SIPA1L3: variants seen among roughly 807,000 people sequenced by gnomAD.
SIPA1L3 encodes signal induced proliferation associated 1 like 3.
SIPA1L3 carries 59 observed loss-of-function variants against 150.1 expected under a neutral mutation model. That is an observed-to-expected ratio of 0.39 (90% CI 0.32 to 0.49). SIPA1L3 has a LOEUF of 0.49. SIPA1L3 is among the 20% of genes least tolerant of loss of function. SIPA1L3 has a pLI of 0.86. For synonymous variants in SIPA1L3, 1,070 were observed against 1,077.6 expected, an observed-to-expected ratio of 0.99 and a Z score of 0.14; for missense variants, 2,211 against 2,489.5, an observed-to-expected ratio of 0.89 and a Z score of 2.38.
At chr19:37,982,022 C>T (rs182403206) in intron 1 of SIPA1L3, among the ~76,000 whole-genome samples, 4 of 152,304 alleles carry the variant, frequency 2.6e-5, no homozygotes, top group African/African-American at 9.6e-5. Context: ...TACGCATGTC[C>T]ACGTTGTGGT....
intron 15 of SIPA1L3, among the ~76,000 whole-genome samples, chr19:38,178,621 G>A (rs989888488): frequency 6.6e-6 from 1 of 151,920 alleles, no homozygotes; most frequent in South Asian, 2.1e-4. Context: ...GACTACAGGC[G>A]CCCACCACCA....
chr19:38,080,912 A>G (rs1969962496), intron 2 of SIPA1L3, among the ~76,000 whole-genome samples: 1 of 151,848 alleles, frequency 6.6e-6, no homozygotes, highest in Non-Finnish European at 1.5e-5. Flanking sequence ...GGATGTTGCA[A>G]TGAGCCAAGC....
In SIPA1L3 at chr19:38,206,170, A is replaced by C. The variant is rs758384527; in HGVS notation, c.5276A>C (p.Glu1759Ala). Residue 1759 changes from glutamate (E) to alanine (A), a missense_variant, in exon 22 of 22, where the codon GAG (glutamate) becomes GCG (alanine). This residue lies in a region of SIPA1L3 where 63 missense variants were observed against 106.1 expected (regional missense o/e 0.59). Coordinates refer to ENST00000222345, the MANE Select transcript of SIPA1L3 (RefSeq NM_015073.3). Reference sequence around the variant, plus strand: ...CAGAACAACCAGCGGCTGCAGGAGGAGTCGCAGGCCGCCAGCGAGCAGCTG... The same window carrying C: ...CAGAACAACCAGCGGCTGCAGGAGGCGTCGCAGGCCGCCAGCGAGCAGCTG... ...LRQNNQRLQE[E>A]SQAASEQLRK... 241 of 1,552,838 alleles carry C rather than the reference A, an allele frequency of 1.6e-4. 1 individual carries two copies. The highest frequency in any genetic ancestry group is 1.0e-3 in the Middle Eastern group (6 of 5,986).
chr19:37,989,773 C>A (rs1004079223), intron 1 of SIPA1L3, among the ~76,000 whole-genome samples: 1 of 149,960 alleles, frequency 6.7e-6, no homozygotes, highest in Non-Finnish European at 1.5e-5. Context: ...TCAAGCGATT[C>A]TCCTGCCTCA....
At position 38,142,042 on chromosome 19, in the gene SIPA1L3, A is replaced by C. The variant is rs1005153555; in HGVS notation, c.3396-531A>C. Among the ~76,000 whole-genome samples, 8 of 152,198 alleles carry C rather than the reference A, an allele frequency of 5.3e-5. No homozygotes were observed. In the East Asian group the frequency reaches 1.5e-3, roughly 29 times the overall value. ...GACTGATAAGCACAAAATTTAGGACAGTGACTTCTTCCTGGAGGAGGCAGG... is the reference window on the plus strand; with the variant it reads ...GACTGATAAGCACAAAATTTAGGACCGTGACTTCTTCCTGGAGGAGGCAGG... On this transcript the variant is annotated intron_variant, in intron 11 of 21. Coordinates refer to ENST00000222345, the MANE Select transcript of SIPA1L3 (RefSeq NM_015073.3).
intron 9 of SIPA1L3, among the ~76,000 whole-genome samples, chr19:38,130,094 A>G (rs1423156335): frequency 3.3e-5 from 5 of 152,140 alleles, no homozygotes; most frequent in African/African-American, 1.2e-4. Flanking sequence ...AAAATGATGA[A>G]ATAAATACCA....
chr19:38,032,596 T>C (rs1968676838), intron 2 of SIPA1L3, among the ~76,000 whole-genome samples: 2 of 152,128 alleles, frequency 1.3e-5, no homozygotes, highest in Admixed American at 1.3e-4. Flanking sequence ...CCCAACACCT[T>C]TGGGAGGCCA....
intron 8 of SIPA1L3, among the ~76,000 whole-genome samples, chr19:38,111,582 C>CGCG (rs1192138998): frequency 3.9e-5 from 6 of 152,326 alleles, no homozygotes; most frequent in Non-Finnish European, 7.4e-5. Flanking sequence ...GCGAAATTAC[C>CGCG]GCGGGTCTAC....
At chr19:37,946,780 T>C (rs1390904713) in intron 1 of SIPA1L3, among the ~76,000 whole-genome samples, 4 of 152,242 alleles carry the variant, frequency 2.6e-5, no homozygotes, top group African/African-American at 9.6e-5. Context: ...GTTTTATGTA[T>C]GCTTTGGCTT....
At chr19:38,202,801 G>T (rs1045527068) in intron 20 of SIPA1L3, among the ~76,000 whole-genome samples, 4 of 152,108 alleles carry the variant, frequency 2.6e-5, no homozygotes, top group African/African-American at 9.7e-5. Context: ...AGGACCTAGT[G>T]GCAACTGAGG....
intron 1 of SIPA1L3, among the ~76,000 whole-genome samples, chr19:37,930,786 AGGATTCGAAT>A (rs1269994813): frequency 1.3e-5 from 2 of 152,106 alleles, no homozygotes; most frequent in African/African-American, 4.8e-5. Flanking sequence ...GGTTGTTGGG[AGGATTCGAAT>A]GCATCAAAGC....
At position 37,952,595 on chromosome 19, in the gene SIPA1L3, C is replaced by T. The variant is rs144278996; in HGVS notation, c.-379+45237C>T. 8.2e-3 allele frequency among the ~76,000 whole-genome samples: 1,250 copies of T among 152,152 alleles called. 16 individuals carry two copies. Among genetic ancestry groups the T allele is most frequent in the African/African-American group, 0.027 (1,137 of 41,502 alleles). On this transcript the variant is annotated intron_variant, in intron 1 of 21. Coordinates refer to ENST00000222345, the MANE Select transcript of SIPA1L3 (RefSeq NM_015073.3). ...GGCTGAGGCAGGAGAATTCCTTGAA[C>T]CCGGGTGGTGAAGGTTGCAGTGAGC...
chr19:38,174,625 G>A (rs368517713), intron 15 of SIPA1L3, among the ~76,000 whole-genome samples: 2 of 152,010 alleles, frequency 1.3e-5, no homozygotes, highest in Non-Finnish European at 2.9e-5. Context: ...CGAGGCGGGC[G>A]GATCACCTGA....
chr19:38,126,018 G>A (rs1227205028), intron 9 of SIPA1L3, among the ~76,000 whole-genome samples: 2 of 151,998 alleles, frequency 1.3e-5, no homozygotes, highest in Non-Finnish European at 2.9e-5. Flanking sequence ...CTAAACATAC[G>A]AAAAAATTAG....
chr19:38,035,117 C>T (rs1968750457), intron 2 of SIPA1L3, among the ~76,000 whole-genome samples: 1 of 152,208 alleles, frequency 6.6e-6, no homozygotes. Context: ...CTCCTGGAAG[C>T]AGCTTTTGGG....
intron 1 of SIPA1L3, among the ~76,000 whole-genome samples, chr19:37,983,713 C>G (rs1360354061): frequency 6.6e-6 from 1 of 152,064 alleles, no homozygotes; most frequent in East Asian, 1.9e-4. Context: ...CGAGACCATC[C>G]TGGGCAACAT....
chr19:37,988,530 G>A (rs1485340326), intron 1 of SIPA1L3, among the ~76,000 whole-genome samples: 2 of 152,054 alleles, frequency 1.3e-5, no homozygotes, highest in Non-Finnish European at 2.9e-5. Context: ...ACAGAAATGA[G>A]CCAGACATGG....
At chr19:37,915,117 G>A (rs1199074371) in intron 1 of SIPA1L3, among the ~76,000 whole-genome samples, 1 of 152,106 alleles carries the variant, frequency 6.6e-6, no homozygotes, top group Non-Finnish European at 1.5e-5. Flanking sequence ...AATTGATGTG[G>A]CAGCAGGGGC....
At chr19:37,951,730 C>T (rs1472924592) in intron 1 of SIPA1L3, among the ~76,000 whole-genome samples, 1 of 151,878 alleles carries the variant, frequency 6.6e-6, no homozygotes, top group Non-Finnish European at 1.5e-5. Flanking sequence ...AACCCCGTCT[C>T]TACTAAAATG....
Sources: allele counts gnomAD v4.1 joint callset (sites outside exome capture counted in the v4.1 genomes callset), GRCh38; gene constraint gnomAD v4.1.1; regional missense constraint gnomAD v4.1.1; transcripts MANE v1.5; gene names NCBI Gene and HGNC (gene_info 2026-07-23, HGNC 2026-07-21).